FAM135B: variants seen among roughly 807,000 people sequenced by gnomAD.
FAM135B encodes the protein protein FAM135B.
In FAM135B, 43 loss-of-function variants were observed where a neutral mutation model predicts 127.7. The observed-to-expected ratio is 0.34, with a 90% CI of 0.26 to 0.43. FAM135B has a LOEUF of 0.43. FAM135B is among the 20% of genes least tolerant of loss of function. FAM135B has a pLI of 1.00. For missense variants in FAM135B, 1,558 were observed against 1,725.6 expected (o/e 0.90, Z 1.72); for synonymous variants, 670 against 665.1 (o/e 1.01, Z -0.11).
At chr8:138,265,563 T>A (rs1822848334) in intron 4 of FAM135B, 140 bp downstream of exon 4, 1 of 844,374 alleles carries the variant, frequency 1.2e-6, no homozygotes, top group Non-Finnish European at 1.8e-6. Flanking sequence ...AATAAGTGCA[T>A]GAGTGCACTA....
intron 13 of FAM135B, among the ~76,000 whole-genome samples, chr8:138,150,926 T>C (rs1226362983): frequency 6.6e-6 from 1 of 152,002 alleles, no homozygotes; most frequent in Non-Finnish European, 1.5e-5. Flanking sequence ...TAGATTCACA[T>C]AGAAGAAATG....
chr8:138,237,150 ATTT>A (rs10604150), intron 7 of FAM135B, among the ~76,000 whole-genome samples: 7,079 of 101,436 alleles, frequency 0.07, 137 homozygotes, highest in Non-Finnish European at 0.088. Flanking sequence ...TGGATCCTTG[ATTT>A]TTTTTTTTTT....
intron 7 of FAM135B, among the ~76,000 whole-genome samples, chr8:138,221,805 T>C (rs559969593): frequency 6.6e-6 from 1 of 152,040 alleles, no homozygotes; most frequent in South Asian, 2.1e-4. Context: ...CTTAACCACA[T>C]CCAATTACAA....
rs918557900 is a variant in FAM135B at position 138,478,203 on chromosome 8, A to C, written c.-20+18468T>G. On this transcript the variant is annotated intron_variant, in intron 1 of 19. Coordinates refer to ENST00000395297, the MANE Select transcript of FAM135B (RefSeq NM_015912.4). ...AGGGTCTGTGTACCTTATCAGTCCCACCTCCTGCCACTAGTCACACATGCT... is the reference window on the plus strand; with the variant it reads ...AGGGTCTGTGTACCTTATCAGTCCCCCCTCCTGCCACTAGTCACACATGCT... Among the ~76,000 whole-genome samples, 231 of 151,814 alleles carry C rather than the reference A, an allele frequency of 1.5e-3. 1 individual carries two copies. Among genetic ancestry groups the C allele is most frequent in the African/African-American group, 5.4e-3 (222 of 41,376 alleles).
intron 2 of FAM135B, among the ~76,000 whole-genome samples, chr8:138,314,153 T>C (rs1027982943): frequency 2.6e-5 from 4 of 152,172 alleles, no homozygotes; most frequent in African/African-American, 7.2e-5. Context: ...ACAGTGCTGC[T>C]GACTGAGATC....
intron 2 of FAM135B, among the ~76,000 whole-genome samples, chr8:138,348,127 C>CTTTTTTTTT (rs58289442): frequency 5.7e-5 from 3 of 52,840 alleles, no homozygotes; most frequent in African/African-American, 1.7e-4. Flanking sequence ...TTTTCCTCCT[C>CTTTTTTTTT]TTTTTTTTTT....
chr8:138,339,444 T>C (rs991911935), intron 2 of FAM135B, among the ~76,000 whole-genome samples: 1 of 151,062 alleles, frequency 6.6e-6, no homozygotes, highest in Non-Finnish European at 1.5e-5. Flanking sequence ...CCCCCACACA[T>C]ACCCATTCTC....
chr8:138,422,383 T>G (rs1834564995), intron 1 of FAM135B, among the ~76,000 whole-genome samples: 3 of 151,982 alleles, frequency 2.0e-5, no homozygotes. Context: ...CTAATAAGGG[T>G]CTAATATCTA....
At chr8:138,258,803 CCACACA>C (rs57817492) in intron 4 of FAM135B, among the ~76,000 whole-genome samples, 3 of 146,634 alleles carry the variant, frequency 2.0e-5, no homozygotes, top group East Asian at 2.0e-4. Context: ...GACACACACA[CCACACA>C]CACACACACA....
At chr8:138,410,862 C>A (rs1168359442) in intron 1 of FAM135B, among the ~76,000 whole-genome samples, 2 of 152,004 alleles carry the variant, frequency 1.3e-5, no homozygotes, top group East Asian at 1.9e-4. Context: ...AACAGAGAGC[C>A]AAATCATGAG....
In FAM135B at chr8:138,197,551, A is replaced by G. The variant is rs912591824; in HGVS notation, c.788T>C (p.Met263Thr). The G allele has an allele frequency of 4.3e-6, 7 of 1,613,996 alleles. No homozygotes were observed. The South Asian group carries it at 5.5e-5, about 13-fold the overall frequency. ...GTGTGGCAGCTCTGGGATGTCCCGC[A>G]TGATCACCAGGAAGTGGAGACGGAG... ...RGLRLHFLVI[M>T]RDIPELPHTE... Residue 263 changes from methionine to threonine, a missense_variant, in exon 8 of 20, where the codon ATG (methionine) becomes ACG (threonine). Around this residue, in one of 5 missense-constraint regions of FAM135B, gnomAD observed 127 missense variants for 109.7 expected, o/e 1.16. Transcript: ENST00000395297.
intron 1 of FAM135B, among the ~76,000 whole-genome samples, chr8:138,425,177 T>C (rs1305086298): frequency 6.6e-6 from 1 of 152,198 alleles, no homozygotes; most frequent in Non-Finnish European, 1.5e-5. Flanking sequence ...GGGTGTTCAC[T>C]TGTTGCCATG....
At chr8:138,383,910 C>A (rs1328458606) in intron 1 of FAM135B, among the ~76,000 whole-genome samples, 1 of 152,224 alleles carries the variant, frequency 6.6e-6, no homozygotes. Flanking sequence ...ATTGTCCTGG[C>A]ACCTGCTTCC....
intron 1 of FAM135B, among the ~76,000 whole-genome samples, chr8:138,447,631 A>G (rs1836255031): frequency 6.6e-6 from 1 of 150,554 alleles, no homozygotes; most frequent in South Asian, 2.1e-4. Context: ...AGGAAGGGGG[A>G]CATGACACAC....
intron 1 of FAM135B, among the ~76,000 whole-genome samples, chr8:138,402,900 T>G (rs544831938): frequency 1.3e-5 from 2 of 152,220 alleles, no homozygotes; most frequent in Admixed American, 1.3e-4. Context: ...CATTAGATCA[T>G]GAAGGTGGAA....
intron 9 of FAM135B, among the ~76,000 whole-genome samples, chr8:138,183,817 C>G (rs1180911083): frequency 1.3e-5 from 2 of 152,202 alleles, no homozygotes; most frequent in African/African-American, 4.8e-5. Flanking sequence ...TTGATAATTA[C>G]TTTGGGATCT....
intron 12 of FAM135B, among the ~76,000 whole-genome samples, chr8:138,164,938 C>T (rs528983153): frequency 3.0e-4 from 45 of 152,200 alleles, no homozygotes; most frequent in Non-Finnish European, 5.4e-4. Flanking sequence ...ACCACACGTT[C>T]GGACAATCTT....
At chr8:138,221,357 A>G (rs114378406) in intron 7 of FAM135B, among the ~76,000 whole-genome samples, 27,787 of 152,094 alleles carry the variant, frequency 0.18, 3,063 homozygotes, top group East Asian at 0.37. Context: ...CTCACTCACT[A>G]TACAGCACCA....
At chr8:138,178,392 C>T (rs1040064823) in intron 10 of FAM135B, 143 bp downstream of exon 10, 74 of 885,480 alleles carry the variant, frequency 8.4e-5, no homozygotes, top group Non-Finnish European at 1.3e-4. Context: ...AAGTTCACAA[C>T]GCCACCCTGC....
Sources: allele counts gnomAD v4.1 joint callset (sites outside exome capture counted in the v4.1 genomes callset), GRCh38; gene constraint gnomAD v4.1.1; regional missense constraint gnomAD v4.1.1; transcripts MANE v1.5; gene names NCBI Gene and HGNC (gene_info 2026-07-23, HGNC 2026-07-21).